Variants in CALN1 observed in about 807,000 individuals in gnomAD.
The protein encoded by CALN1 is calcium-binding protein 8.
In CALN1, 17 loss-of-function variants were observed where a neutral mutation model predicts 30.6. That is an observed-to-expected ratio of 0.56 (90% CI 0.38 to 0.83). The LOEUF is 0.83. Ranked by LOEUF, CALN1 falls within the 40% of genes least tolerant of loss-of-function variation. The pLI is 0.00. For synonymous variants in CALN1, 156 were observed against 131.4 expected (o/e 1.19, Z -1.28); for missense variants, 291 against 354.9 (o/e 0.82, Z 1.45).
chr7:72,272,275 T>A (rs10268103), intron 3 of CALN1, among the ~76,000 whole-genome samples: 28,651 of 151,844 alleles, frequency 0.19, 3,751 homozygotes, highest in East Asian at 0.43. Context: ...AAATATTAAT[T>A]TTGAGGCCAG....
Position 71,995,531 on chromosome 7 carries a change from G to A in CALN1, c.501+28126C>T, listed in dbSNP as rs549833242. Among the ~76,000 whole-genome samples, 126 of 152,200 alleles carry A rather than the reference G, an allele frequency of 8.3e-4. 2 individuals are homozygous for A. The highest frequency in any genetic ancestry group is 2.8e-3 in the African/African-American group (118 of 41,546). On this transcript the variant is annotated intron_variant, in intron 5 of 6. Transcript: ENST00000395275. ...ATGATACAAAACTAAACACAAGGCC[G>A]GCTGCCGTGGCTCACACCTGTAATC...
chr7:71,947,071 C>T (rs557683650), intron 5 of CALN1, among the ~76,000 whole-genome samples: 2 of 152,014 alleles, frequency 1.3e-5, no homozygotes, highest in Non-Finnish European at 1.5e-5. Flanking sequence ...AGTGAAGTGG[C>T]GTGATTTCGG....
chr7:72,205,582 A>ATATATATATATATATATATATG (rs1554319695), intron 3 of CALN1, among the ~76,000 whole-genome samples: 1 of 132,682 alleles, frequency 7.5e-6, no homozygotes. Flanking sequence ...ATATATATAT[A>ATATATATATATATATATATATG]TATATTCAGG....
At chr7:72,272,139 C>T (rs1342940680) in intron 3 of CALN1, among the ~76,000 whole-genome samples, 1 of 151,802 alleles carries the variant, frequency 6.6e-6, no homozygotes. Context: ...AGCAGTGACT[C>T]TGGAATAGTC....
chr7:72,097,623 A>G (rs966271134), intron 4 of CALN1, among the ~76,000 whole-genome samples: 1 of 149,400 alleles, frequency 6.7e-6, no homozygotes, highest in African/African-American at 2.5e-5. Context: ...CCTGAGCAAC[A>G]AAGTGAGACC....
chr7:72,128,318 C>T (rs1162138414), intron 3 of CALN1, among the ~76,000 whole-genome samples: 1 of 151,980 alleles, frequency 6.6e-6, no homozygotes, highest in Non-Finnish European at 1.5e-5. Context: ...TAACGAGTGA[C>T]ACTTCAAATA....
intron 2 of CALN1, among the ~76,000 whole-genome samples, chr7:72,336,414 A>T (rs1276574998): frequency 1.3e-5 from 2 of 151,966 alleles, no homozygotes; most frequent in Admixed American, 1.3e-4. Context: ...GTGCCGGGAC[A>T]GCCGAGTCCG....
intron 3 of CALN1, among the ~76,000 whole-genome samples, chr7:72,233,323 C>T (rs528037959): frequency 2.6e-5 from 4 of 151,942 alleles, no homozygotes; most frequent in Non-Finnish European, 4.4e-5. Flanking sequence ...AAGGAGAAGA[C>T]GGTCTCGGGG....
intron 5 of CALN1, among the ~76,000 whole-genome samples, chr7:71,871,098 TTCTC>T (rs1791898817): frequency 1.3e-5 from 2 of 152,160 alleles, no homozygotes; most frequent in African/African-American, 4.8e-5. Context: ...GGCAGAGAGA[TTCTC>T]AATCTACTTA....
intron 3 of CALN1, among the ~76,000 whole-genome samples, chr7:72,180,296 C>A (rs1426697441): frequency 6.6e-6 from 1 of 152,190 alleles, no homozygotes; most frequent in Non-Finnish European, 1.5e-5. Flanking sequence ...TGGGACCCCA[C>A]CCTACCTAGA....
At chr7:72,150,615 T>C (rs116369665) in intron 3 of CALN1, among the ~76,000 whole-genome samples, 346 of 152,162 alleles carry the variant, frequency 2.3e-3, no homozygotes, top group African/African-American at 7.8e-3. Context: ...GCAAAGATCT[T>C]GAGAGGGTGA....
At chr7:71,794,496 G>A (rs1786773692) in intron 6 of CALN1, among the ~76,000 whole-genome samples, 1 of 152,118 alleles carries the variant, frequency 6.6e-6, no homozygotes, top group Admixed American at 6.6e-5. Context: ...TCTCCTAATT[G>A]CCACTTAGAA....
At chr7:71,868,035 T>C (rs894166820) in intron 5 of CALN1, among the ~76,000 whole-genome samples, 2 of 152,362 alleles carry the variant, frequency 1.3e-5, no homozygotes, top group African/African-American at 4.8e-5. Flanking sequence ...AGTATTCTTT[T>C]TTTGTTTTCA....
At chr7:72,227,118 T>C (rs1016034262) in intron 3 of CALN1, among the ~76,000 whole-genome samples, 4 of 152,082 alleles carry the variant, frequency 2.6e-5, no homozygotes, top group African/African-American at 7.2e-5. Flanking sequence ...AGACTACTTA[T>C]TGGGTACTGT....
At chr7:72,130,002 G>A (rs1174178861) in intron 3 of CALN1, among the ~76,000 whole-genome samples, 1 of 152,068 alleles carries the variant, frequency 6.6e-6, no homozygotes, top group Non-Finnish European at 1.5e-5. Flanking sequence ...GGGTGAGTGA[G>A]TTCTTGCTTT....
intron 5 of CALN1, among the ~76,000 whole-genome samples, chr7:71,819,101 C>T (rs1195526928): frequency 6.6e-6 from 1 of 152,168 alleles, no homozygotes; most frequent in Non-Finnish European, 1.5e-5. Context: ...GCAGTCCTAC[C>T]ACTTCAGCCT....
chr7:72,168,954 C>A (rs1788739127), intron 3 of CALN1, among the ~76,000 whole-genome samples: 2 of 151,604 alleles, frequency 1.3e-5, no homozygotes, highest in African/African-American at 4.8e-5. Flanking sequence ...TACAGGTGCC[C>A]CCCAACACGC....
the CALN1 span, among the ~76,000 whole-genome samples, chr7:72,452,589 T>C: frequency 6.6e-6 from 1 of 152,188 alleles, no homozygotes. Flanking sequence ...CAGATGTTTG[T>C]GTCATGTTTC....
chr7:72,489,987 A>G, the CALN1 span, among the ~76,000 whole-genome samples: 189 of 152,354 alleles, frequency 1.2e-3, no homozygotes, highest in African/African-American at 4.4e-3. Flanking sequence ...AGCCTAGTGG[A>G]GACCATTCCA....
Sources: gnomAD v4.1 joint callset for allele counts (sites outside exome capture counted in the v4.1 genomes callset) on GRCh38, gnomAD v4.1.1 for gene constraint, MANE v1.5 for transcripts, NCBI Gene and HGNC (gene_info 2026-07-23, HGNC 2026-07-21) for gene names.